Variants in METTL16 observed in about 807,000 individuals in gnomAD.
METTL16 encodes the protein methyltransferase 16, RNA N6-adenosine, also known as RNA N(6)-adenosine-methyltransferase METTL16.
A neutral mutation model predicts 57.9 loss-of-function variants in METTL16; 19 were observed. The observed-to-expected ratio is 0.33, with a 90% confidence interval of 0.23 to 0.48. METTL16 has a LOEUF of 0.48. Ranked by LOEUF, METTL16 falls within the 20% of genes least tolerant of loss-of-function variation. METTL16 has a pLI of 0.99. For synonymous variants in METTL16, 246 were observed against 255.6 expected (o/e 0.96, Z 0.36); for missense variants, 434 against 691.5 (o/e 0.63, Z 4.18).
intron 2 of METTL16, among the ~76,000 whole-genome samples, chr17:2,487,158 T>G (rs935007863): frequency 1.3e-5 from 2 of 152,162 alleles, no homozygotes; most frequent in Admixed American, 6.6e-5. Context: ...GTGTTTCACA[T>G]GAGTCTCCCA....
chr17:2,487,029 C>T (rs538299072), intron 2 of METTL16, among the ~76,000 whole-genome samples: 1 of 119,864 alleles, frequency 8.3e-6, no homozygotes, highest in Admixed American at 8.7e-5. Context: ...AAAAAAAAGG[C>T]TATATCTAGA....
At chr17:2,470,329 G>T (rs978419449) in intron 4 of METTL16, among the ~76,000 whole-genome samples, 1 of 151,750 alleles carries the variant, frequency 6.6e-6, no homozygotes, top group African/African-American at 2.4e-5. Flanking sequence ...ACCCCAAAAC[G>T]TGGTATTAAA....
At chr17:2,428,776 T>C (rs991174797) in intron 8 of METTL16, among the ~76,000 whole-genome samples, 7 of 151,178 alleles carry the variant, frequency 4.6e-5, no homozygotes, top group African/African-American at 1.7e-4. Flanking sequence ...CTTCATAAGA[T>C]GCTACAAAGG....
chr17:2,436,582 A>T (rs955280165), intron 8 of METTL16: 3 of 152,620 alleles, frequency 2.0e-5, no homozygotes, highest in African/African-American at 7.2e-5. Flanking sequence ...AAGAGCTTGG[A>T]AGAACAGCAC....
At position 2,416,499 on chromosome 17, in the gene METTL16, G is replaced by C. The variant is rs967539288; in HGVS notation, c.*3471C>G. The C allele has an allele frequency of 6.6e-6, 1 of 152,266 alleles. No homozygotes were observed. Among genetic ancestry groups the C allele is most frequent in the Non-Finnish European group, 1.5e-5 (1 of 68,060 alleles). The allele number at this position is 152,266 out of a possible 1,614,324, so 9.4% of individuals were successfully genotyped here. ...ACACGAAGCTTAGGATGAGTTGAAA[G>C]GGTACTGCCAAAACGCGGCCCTGCC... On this transcript the variant is annotated 3_prime_UTR_variant, in exon 10 of 10. Transcript: ENST00000263092.
At chr17:2,456,484 T>C (rs2067111123) in intron 6 of METTL16, among the ~76,000 whole-genome samples, 1 of 152,214 alleles carries the variant, frequency 6.6e-6, no homozygotes, top group Non-Finnish European at 1.5e-5. Context: ...AGCTACTGAC[T>C]GATTGACTGA....
chr17:2,420,453 G>A lies in METTL16; in HGVS notation c.1206C>T (p.Val402=). The change falls in exon 10 of 10, where the codon GTC becomes GTT. Residue 402 remains valine (V), a synonymous_variant. Coordinates refer to ENST00000263092, the MANE Select transcript of METTL16 (RefSeq NM_024086.4). This position sits in a 1 kb window ranked among gnomAD's most constrained non-coding sequence, Gnocchi z 5.4. ...LREVPRAPED[V]IQALEEKKPT... is the part of the protein sequence containing the mutation. ...GCTTTTTCTCTTCCAAGGCCTGAAT[G>A]ACGTCCTCAGGAGCTCGGGGAACTT... 3.1e-6 allele frequency: 5 copies of A among 1,614,132 alleles called. No homozygotes were observed. Among genetic ancestry groups the A allele is most frequent in the Non-Finnish European group, 4.2e-6 (5 of 1,180,028 alleles).
chr17:2,423,942 A>G lies in METTL16; in HGVS notation c.889-3038T>C, dbSNP rs531858587. Among the ~76,000 whole-genome samples, 5 of 152,234 alleles carry G rather than the reference A, an allele frequency of 3.3e-5. No homozygotes were observed. In the East Asian group the frequency reaches 9.6e-4, roughly 29 times the overall value. ...GAAGTCAGAAATCACAAAATCGACA[A>G]CTTATTACCCAGTTATCTCAGGACT... On this transcript the variant is annotated intron_variant, in intron 8 of 9. Coordinates refer to ENST00000263092, the MANE Select transcript of METTL16 (RefSeq NM_024086.4).
intron 1 of METTL16, among the ~76,000 whole-genome samples, chr17:2,510,939 A>G (rs1443584502): frequency 6.6e-6 from 1 of 152,136 alleles, no homozygotes; most frequent in African/African-American, 2.4e-5. Flanking sequence ...TACTTACTTT[A>G]AAAAATCTCC....
rs1030892842 is a variant in METTL16 at position 2,419,840 on chromosome 17, T to C, written c.*130A>G. 15 of 1,137,286 alleles carry C rather than the reference T, an allele frequency of 1.3e-5. No homozygotes were observed. The highest frequency in any genetic ancestry group is 7.7e-5 in the African/African-American group (5 of 64,788). 70.4% of individuals were successfully genotyped at this position (1,137,286 alleles called of 1,614,324 possible). Reference sequence around the variant, plus strand: ...CGGGGGGAGGTGGGGGACAGATTCATAGGTTTTTGTTTTCGAAGATAATTC... The same window carrying C: ...CGGGGGGAGGTGGGGGACAGATTCACAGGTTTTTGTTTTCGAAGATAATTC... On this transcript the variant is annotated 3_prime_UTR_variant, in exon 10 of 10. Coordinates refer to ENST00000263092, the MANE Select transcript of METTL16 (RefSeq NM_024086.4).
chr17:2,421,169 C>T (rs1301227577), intron 8 of METTL16, among the ~76,000 whole-genome samples: 1 of 152,108 alleles, frequency 6.6e-6, no homozygotes, highest in Non-Finnish European at 1.5e-5. Context: ...GCCCCAGCAA[C>T]ATAGTAAGAC....
chr17:2,457,320 A>G (rs1445490674), intron 6 of METTL16, among the ~76,000 whole-genome samples: 2 of 144,932 alleles, frequency 1.4e-5, no homozygotes, highest in African/African-American at 5.1e-5. Context: ...CATGGACGAC[A>G]GAGCGAGACT....
chr17:2,471,605 T>C lies in METTL16; in HGVS notation c.469+1919A>G, dbSNP rs530738074. Among the ~76,000 whole-genome samples the C allele has an allele frequency of 1.6e-3, 242 of 151,904 alleles. 1 individual carries two copies. Among genetic ancestry groups the C allele is most frequent in the African/African-American group, 5.6e-3 (234 of 41,438 alleles). ...GAGATCGAGACCATCCTGGCTAACA[T>C]AGTGAAACCCCGTCTCTACTGAAAA... On this transcript the variant is annotated intron_variant, in intron 4 of 9. Coordinates refer to ENST00000263092, the MANE Select transcript of METTL16 (RefSeq NM_024086.4).
At chr17:2,449,069 A>G (rs2067049166) in intron 6 of METTL16, among the ~76,000 whole-genome samples, 1 of 151,570 alleles carries the variant, frequency 6.6e-6, no homozygotes, top group Non-Finnish European at 1.5e-5. Context: ...AATCAACTGT[A>G]TTTTCTTATA....
At chr17:2,475,113 T>C in intron 3 of METTL16, 1 of 152,304 alleles carries the variant, frequency 6.6e-6, no homozygotes, top group Non-Finnish European at 1.5e-5. Context: ...GGCTAGATAC[T>C]CTTAACCCAG....
intron 6 of METTL16, among the ~76,000 whole-genome samples, chr17:2,453,583 T>C (rs562378682): frequency 1.3e-5 from 2 of 152,338 alleles, no homozygotes; most frequent in East Asian, 3.9e-4. Context: ...CAAAGCAAAC[T>C]CTTTACTTTG....
chr17:2,417,058 C>CCTTTTTTTTTTTT lies in METTL16; in HGVS notation c.*2911_*2912insAAAAAAAAAAAAG, dbSNP rs2066722419. 1.6e-5 allele frequency: 1 copy of CCTTTTTTTTTTTT among 61,534 alleles called. No individual in the cohort carries two copies. The highest frequency in any genetic ancestry group is 6.8e-5 in the African/African-American group (1 of 14,658). The allele number at this position is 61,534 out of a possible 1,614,324, so 3.8% of individuals were successfully genotyped here. On this transcript the variant is annotated 3_prime_UTR_variant, in exon 10 of 10. Coordinates refer to ENST00000263092, the MANE Select transcript of METTL16 (RefSeq NM_024086.4). ...TGAAAGCTGGCCTGCTCATGGGTTC[C>CCTTTTTTTTTTTT]TTTTTTTTTTTTTTTTTTTTTTTTT...
intron 3 of METTL16, 37 bp from the exon 4 acceptor site, chr17:2,473,701 C>A: frequency 6.3e-7 from 1 of 1,593,240 alleles, no homozygotes; most frequent in East Asian, 2.3e-5. Flanking sequence ...TTCTACACAC[C>A]AGAGGGAAAG....
intron 3 of METTL16, among the ~76,000 whole-genome samples, chr17:2,477,109 A>G (rs760335144): frequency 1.3e-5 from 2 of 152,220 alleles, no homozygotes; most frequent in Non-Finnish European, 2.9e-5. Flanking sequence ...TGGGAAGCCA[A>G]GGCAGGTGGA....
Sources: allele counts gnomAD v4.1 joint callset (sites outside exome capture counted in the v4.1 genomes callset), GRCh38; gene constraint gnomAD v4.1.1; non-coding constraint Gnocchi (gnomAD v3.1); transcripts MANE v1.5; gene names NCBI Gene and HGNC (gene_info 2026-07-23, HGNC 2026-07-21).